Variants in TBC1D10A observed in about 807,000 individuals in gnomAD.
TBC1D10A encodes TBC1 domain family member 10A.
TBC1D10A carries 24 observed loss-of-function variants against 52.9 expected under a neutral mutation model. The ratio of observed to expected loss-of-function variants is 0.45; its 90% confidence interval spans 0.33 to 0.64. The LOEUF (loss-of-function observed/expected upper bound fraction) is 0.64. Ranked by LOEUF, TBC1D10A falls within the 30% of genes least tolerant of loss-of-function variation. The pLI is 0.02. For synonymous variants in TBC1D10A, 278 were observed against 282.9 expected (o/e 0.98, Z 0.17); for missense variants, 602 against 687.9 (o/e 0.88, Z 1.40).
chr22:30,317,413 AAAAAC>A (rs200568124), intron 1 of TBC1D10A, among the ~76,000 whole-genome samples: 10,265 of 152,154 alleles, frequency 0.067, 426 homozygotes, highest in Non-Finnish European at 0.091. Flanking sequence ...TCCATCTCAA[AAAAAC>A]AAAACAAAAC....
intron 8 of TBC1D10A, 36 bp downstream of exon 8, chr22:30,293,615 T>C: frequency 6.3e-7 from 1 of 1,582,078 alleles, no homozygotes; most frequent in Non-Finnish European, 8.6e-7. Flanking sequence ...CCTGTCTTCC[T>C]CCCTCCCCAT....
chr22:30,324,363 C>A (rs534164604), intron 1 of TBC1D10A, among the ~76,000 whole-genome samples: 10 of 152,258 alleles, frequency 6.6e-5, no homozygotes, highest in African/African-American at 2.4e-4. Context: ...TAGGGAACAT[C>A]GAAGCTTTCA....
chr22:30,292,706 C>A lies in TBC1D10A; in HGVS notation c.1196G>T (p.Gly399Val). Reference protein sequence around the residue: ...GAKAILDAEPGPRPALQPSPS... With the variant: ...GAKAILDAEPVPRPALQPSPS... ...TGAAGGTTGTAGGGCAGGCCGGGGA[C>A]CAGGTTCTGCATCCAAGATAGCCTT... The change falls in exon 9 of 9, where the codon GGT (glycine) becomes GTT (valine). Residue 399 changes from glycine to valine, a missense_variant. Coordinates refer to ENST00000215790, the MANE Select transcript of TBC1D10A (RefSeq NM_031937.3). 1 of 1,608,364 alleles carries A rather than the reference C, an allele frequency of 6.2e-7. No homozygotes were observed. The highest frequency in any genetic ancestry group is 8.5e-7 in the Non-Finnish European group (1 of 1,176,888).
chr22:30,300,997 C>T (rs910073800), intron 2 of TBC1D10A, among the ~76,000 whole-genome samples: 3 of 152,116 alleles, frequency 2.0e-5, no homozygotes, highest in Admixed American at 6.5e-5. Context: ...ACTATCAAAA[C>T]GATCATGTCT....
At chr22:30,324,263 C>T (rs1261243864) in intron 1 of TBC1D10A, among the ~76,000 whole-genome samples, 2 of 152,194 alleles carry the variant, frequency 1.3e-5, no homozygotes, top group African/African-American at 2.4e-5. Flanking sequence ...GGGTTCAGGG[C>T]GGTCACCCTG....
At chr22:30,321,910 C>CAGG (rs2145786443) in intron 1 of TBC1D10A, among the ~76,000 whole-genome samples, 1 of 152,088 alleles carries the variant, frequency 6.6e-6, no homozygotes, top group Non-Finnish European at 1.5e-5. Flanking sequence ...TCCAAAGTGA[C>CAGG]AGGAGGGGTA....
intron 1 of TBC1D10A, 75 bp downstream of exon 1, chr22:30,326,598 C>A: frequency 7.0e-7 from 1 of 1,429,344 alleles, no homozygotes; most frequent in Non-Finnish European, 9.3e-7. Flanking sequence ...TCGGCAAGTC[C>A]CGAGGGCGCC....
At chr22:30,308,223 G>C (rs991505941) in intron 1 of TBC1D10A, among the ~76,000 whole-genome samples, 5 of 149,648 alleles carry the variant, frequency 3.3e-5, no homozygotes, top group Admixed American at 3.3e-4. Flanking sequence ...TCATGCTCTT[G>C]ACCCTTGTAC....
At chr22:30,294,758 T>G in intron 6 of TBC1D10A, 38 bp downstream of exon 6, 1 of 1,613,532 alleles carries the variant, frequency 6.2e-7, no homozygotes, top group Non-Finnish European at 8.5e-7. Flanking sequence ...ACAGAGGGTG[T>G]CCAGCCCAGG....
chr22:30,294,173 C>A, intron 6 of TBC1D10A, 63 bp from the exon 7 acceptor site: 1 of 1,568,684 alleles, frequency 6.4e-7, no homozygotes, highest in Non-Finnish European at 8.7e-7. Context: ...GCAGAGACTA[C>A]ACCCCAGCAC....
chr22:30,323,535 T>G (rs1183617066), intron 1 of TBC1D10A, among the ~76,000 whole-genome samples: 3 of 152,250 alleles, frequency 2.0e-5, no homozygotes, highest in Non-Finnish European at 4.4e-5. Flanking sequence ...GAAACTGTAC[T>G]GACCTGGGAG....
chr22:30,326,569 T>C, intron 1 of TBC1D10A, 104 bp downstream of exon 1: 1 of 1,154,694 alleles, frequency 8.7e-7, no homozygotes, highest in Non-Finnish European at 1.2e-6. Flanking sequence ...TAGTGGTCCC[T>C]GCCTGGGAGG....
At chr22:30,299,889 C>T (rs183493054) in intron 2 of TBC1D10A, 147 of 204,178 alleles carry the variant, frequency 7.2e-4, no homozygotes, top group Non-Finnish European at 1.1e-3. Flanking sequence ...ATCATTTGAA[C>T]CCGGGAAGCA....
At chr22:30,307,237 A>G (rs1930326759) in intron 1 of TBC1D10A, among the ~76,000 whole-genome samples, 1 of 152,178 alleles carries the variant, frequency 6.6e-6, no homozygotes, top group African/African-American at 2.4e-5. Context: ...AAGGGACCAC[A>G]AATGGCCCAT....
Position 30,326,891 on chromosome 22 carries a change from G to A in TBC1D10A, c.-10C>T, listed in dbSNP as rs759890081. ...CGTTGCTCTTCGCCATCCCAGCCGCGCCCGCCGCCTGAGCTCCAGCGGCCA... is the reference window on the plus strand; with the variant it reads ...CGTTGCTCTTCGCCATCCCAGCCGCACCCGCCGCCTGAGCTCCAGCGGCCA... On this transcript the variant is annotated 5_prime_UTR_variant, in exon 1 of 9. Transcript: ENST00000215790. 50 of 1,473,056 alleles carry A rather than the reference G, an allele frequency of 3.4e-5. No individual in the cohort carries two copies. Among genetic ancestry groups the A allele is most frequent in the South Asian group, 1.5e-4 (12 of 77,622 alleles). 91.2% of individuals were successfully genotyped at this position (1,473,056 alleles called of 1,614,324 possible).
At chr22:30,322,299 C>T (rs1369757222) in intron 1 of TBC1D10A, among the ~76,000 whole-genome samples, 1 of 152,016 alleles carries the variant, frequency 6.6e-6, no homozygotes, top group African/African-American at 2.4e-5. Flanking sequence ...GCTTCAATGC[C>T]CCACTCGGTC....
intron 1 of TBC1D10A, among the ~76,000 whole-genome samples, chr22:30,319,521 A>T (rs557491016): frequency 1.3e-5 from 2 of 152,142 alleles, no homozygotes; most frequent in Non-Finnish European, 2.9e-5. Flanking sequence ...GTATTTCTCT[A>T]CCTGAAGAGG....
At chr22:30,304,997 T>C (rs1930282311) in intron 1 of TBC1D10A, among the ~76,000 whole-genome samples, 1 of 152,244 alleles carries the variant, frequency 6.6e-6, no homozygotes, top group South Asian at 2.1e-4. Context: ...AGGGCCGGTG[T>C]ACAAGGTGCA....
In TBC1D10A at chr22:30,294,812, T is replaced by C; in HGVS notation, c.689A>G (p.Tyr230Cys). Residue 230 changes from tyrosine (Y) to cysteine (C), a missense_variant, in exon 6 of 9, where the codon TAC becomes TGC. Transcript: ENST00000215790. ...GACACTCACCAGTTTCTCGCTGTAGTAGCCGGGCAGGTACTTCTCACAGAT... is the reference window on the plus strand; with the variant it reads ...GACACTCACCAGTTTCTCGCTGTAGCAGCCGGGCAGGTACTTCTCACAGAT... ...VQICEKYLPG[Y>C]YSEKLEAIQL... 1 of 1,614,132 alleles carries C rather than the reference T, an allele frequency of 6.2e-7. No homozygotes were observed. The highest frequency in any genetic ancestry group is 8.5e-7 in the Non-Finnish European group (1 of 1,180,030).
Sources: gnomAD v4.1 joint callset for allele counts (sites outside exome capture counted in the v4.1 genomes callset) on GRCh38, gnomAD v4.1.1 for gene constraint, MANE v1.5 for transcripts, NCBI Gene and HGNC (gene_info 2026-07-23, HGNC 2026-07-21) for gene names.